The following ITPKB variants were observed in gnomAD, a reference collection of about 807,000 sequenced individuals.
The protein encoded by ITPKB is IP3 3-kinase B.
ITPKB carries 13 observed loss-of-function variants against 69.4 expected under a neutral mutation model. The observed-to-expected ratio is 0.19, with a 90% CI of 0.12 to 0.30. ITPKB has a LOEUF of 0.30. ITPKB is among the 10% of genes least tolerant of loss of function. The pLI, the probability that ITPKB is intolerant of heterozygous loss-of-function variation, is 1.00. For synonymous variants in ITPKB, 584 were observed against 513.7 expected (o/e 1.14, Z -1.85); for missense variants, 1,240 against 1,250.5 (o/e 0.99, Z 0.13).
intron 2 of ITPKB, among the ~76,000 whole-genome samples, chr1:226,699,719 A>G (rs1656588225): frequency 6.6e-6 from 1 of 152,212 alleles, no homozygotes. Context: ...GCAGAGCTTC[A>G]TTAATTAAAA....
intron 2 of ITPKB, among the ~76,000 whole-genome samples, chr1:226,697,742 T>C (rs934300323): frequency 6.6e-6 from 1 of 152,150 alleles, no homozygotes; most frequent in African/African-American, 2.4e-5. Context: ...CAGGTGGCAT[T>C]AGTGAAATAG....
intron 2 of ITPKB, among the ~76,000 whole-genome samples, chr1:226,654,968 G>C (rs916393283): frequency 2.0e-5 from 3 of 151,184 alleles, no homozygotes; most frequent in Non-Finnish European, 4.4e-5. Context: ...GGAGGAGGGA[G>C]GAAGAAGAGG....
At position 226,637,657 on chromosome 1, in the gene ITPKB, A is replaced by C; in HGVS notation, c.2625+22T>G. The C allele has an allele frequency of 6.3e-7, 1 of 1,586,156 alleles. No homozygotes were observed. The highest frequency in any genetic ancestry group is 8.7e-7 in the Non-Finnish European group (1 of 1,154,758). ...TGGCACGCGCAGCATTCTGCTCAAG[A>C]GGGCAAAAGCCCAGTATCTACCTCG... On this transcript the variant is annotated intron_variant, in intron 7 of 7. Coordinates refer to ENST00000429204, the MANE Select transcript of ITPKB (RefSeq NM_002221.4). The surrounding 1 kb of genome is among the most constrained non-coding windows in gnomAD (Gnocchi z 4.3).
In ITPKB at chr1:226,634,047, A is replaced by C. The variant is rs1668776070; in HGVS notation, c.*624T>G. 6.6e-6 allele frequency: 1 copy of C among 152,542 alleles called. No individual in the cohort carries two copies. The highest frequency in any genetic ancestry group is 6.5e-5 in the Admixed American group (1 of 15,304). The allele number at this position is 152,542 out of a possible 1,614,324, so 9.4% of individuals were successfully genotyped here. A position where few individuals can be genotyped will look rare whatever the true frequency, so the allele number is the denominator to read the frequency against. ...TCTGGCCTGGAGCCGGCAGGTTTCC[A>C]TACCAGATGGGTGGGGGGCCTTGCC... is the stretch of plus-strand genomic sequence containing the variant. On this transcript the variant is annotated 3_prime_UTR_variant, in exon 8 of 8. Coordinates refer to ENST00000429204, the MANE Select transcript of ITPKB (RefSeq NM_002221.4). This position sits in a 1 kb window ranked among gnomAD's most constrained non-coding sequence, Gnocchi z 6.3.
rs1054914504 is a variant in ITPKB, at chr1:226,736,619, A to G, written c.840T>C (p.Ser280=). The change falls in exon 2 of 8, where the codon TCT becomes TCC. Residue 280 remains serine (S), a synonymous_variant. Coordinates refer to ENST00000429204, the MANE Select transcript of ITPKB (RefSeq NM_002221.4). ...PTAMEIDKRG[S]PTPGTRSCLA... is the part of the protein sequence containing the mutation. ...GGCAGCTCCGAGTTCCCGGGGTAGG[A>G]GAGCCCCTTTTGTCAATTTCCATAG... 1 of 1,613,720 alleles carries G rather than the reference A, an allele frequency of 6.2e-7. No homozygotes were observed. The highest frequency in any genetic ancestry group is 8.5e-7 in the Non-Finnish European group (1 of 1,180,010).
In ITPKB at chr1:226,711,649, CCCAACCTGGACCTCCCAT is replaced by C. The variant is rs1558093084; in HGVS notation, c.1932+23860_1932+23877del. Among the ~76,000 whole-genome samples, 5 of 152,160 alleles carry C rather than the reference CCCAACCTGGACCTCCCAT, an allele frequency of 3.3e-5. No individual in the cohort carries two copies. The East Asian group carries it at 9.6e-4, about 29-fold the overall frequency. ...GGAACCAACGCTTAAATGGAAACCTCCCAACCTGGACCTCCCATCATTTGTCCTGGCGATGACGAGTGC... is the reference window on the plus strand; with the variant it reads ...GGAACCAACGCTTAAATGGAAACCTCCATTTGTCCTGGCGATGACGAGTGC... On this transcript the variant is annotated intron_variant, in intron 2 of 7. Transcript: ENST00000429204.
At chr1:226,715,450 C>T (rs1037270607) in intron 2 of ITPKB, among the ~76,000 whole-genome samples, 1 of 152,168 alleles carries the variant, frequency 6.6e-6, no homozygotes, top group African/African-American at 2.4e-5. Flanking sequence ...AACTCTGACC[C>T]AGAAGATTTA....
At chr1:226,648,819 A>C in intron 2 of ITPKB, 48 bp from the exon 3 acceptor site, 1 of 1,273,582 alleles carries the variant, frequency 7.9e-7, no homozygotes, top group South Asian at 1.2e-5. Context: ...ACAACCACTA[A>C]TTTCTGGTTA....
intron 2 of ITPKB, among the ~76,000 whole-genome samples, chr1:226,722,454 G>A (rs540049477): frequency 1.1e-3 from 175 of 152,336 alleles, no homozygotes; most frequent in Non-Finnish European, 1.7e-3. Flanking sequence ...GGCGGGAGAC[G>A]GCTCGGCTCT....
At position 226,717,351 on chromosome 1, in the gene ITPKB, C is replaced by T. The variant is rs554508218; in HGVS notation, c.1932+18176G>A. ...TTATGAGTAGTTCTAAATTACATAC[C>T]CCATGTTTCTTTTTTGGCTTAATTA... On this transcript the variant is annotated intron_variant, in intron 2 of 7. Transcript: ENST00000429204. 1.6e-4 allele frequency among the ~76,000 whole-genome samples: 24 copies of T among 152,194 alleles called. No individual in the cohort carries two copies. The South Asian group carries it at 5.0e-3, about 32-fold the overall frequency.
At chr1:226,653,816 C>T (rs1249832617) in intron 2 of ITPKB, among the ~76,000 whole-genome samples, 1 of 152,184 alleles carries the variant, frequency 6.6e-6, no homozygotes, top group East Asian at 1.9e-4. Context: ...GCCTCACAGG[C>T]TTGGATGCGA....
intron 2 of ITPKB, among the ~76,000 whole-genome samples, chr1:226,733,804 G>C (rs1159097199): frequency 6.6e-6 from 1 of 151,778 alleles, no homozygotes; most frequent in Non-Finnish European, 1.5e-5. Flanking sequence ...CTGGCAAATG[G>C]AAAAAAAAGT....
At chr1:226,677,785 G>C (rs1433952612) in intron 2 of ITPKB, among the ~76,000 whole-genome samples, 1 of 152,212 alleles carries the variant, frequency 6.6e-6, no homozygotes, top group African/African-American at 2.4e-5. Context: ...CACTGAAAGA[G>C]CACCCATTAC....
At chr1:226,650,234 C>T (rs1298632948) in intron 2 of ITPKB, among the ~76,000 whole-genome samples, 1 of 152,226 alleles carries the variant, frequency 6.6e-6, no homozygotes, top group Non-Finnish European at 1.5e-5. Flanking sequence ...GACTCAGCCG[C>T]TTCTGTCATC....
chr1:226,676,457 T>A (rs1315866915), intron 2 of ITPKB: 1 of 152,110 alleles, frequency 6.6e-6, no homozygotes, highest in Non-Finnish European at 1.5e-5. Context: ...GTTTCCTCCA[T>A]CCCCCCAATT....
chr1:226,672,579 C>T (rs752545168), intron 2 of ITPKB, among the ~76,000 whole-genome samples: 2 of 152,262 alleles, frequency 1.3e-5, no homozygotes, highest in Admixed American at 6.5e-5. Context: ...GACAAGACCA[C>T]GGCTGTCTTT....
At chr1:226,722,435 G>A (rs1396816421) in intron 2 of ITPKB, among the ~76,000 whole-genome samples, 3 of 152,264 alleles carry the variant, frequency 2.0e-5, no homozygotes, top group Admixed American at 1.3e-4. Flanking sequence ...TTAACCAGCA[G>A]TCTGCAGAGG....
intron 2 of ITPKB, among the ~76,000 whole-genome samples, chr1:226,719,213 A>C (rs944504206): frequency 6.6e-6 from 1 of 152,214 alleles, no homozygotes; most frequent in Non-Finnish European, 1.5e-5. Flanking sequence ...CAGGAGGCAG[A>C]GGTTCCAGTG....
At chr1:226,694,970 C>T (rs1656442568) in intron 2 of ITPKB, among the ~76,000 whole-genome samples, 1 of 152,256 alleles carries the variant, frequency 6.6e-6, no homozygotes, top group Non-Finnish European at 1.5e-5. Context: ...TGGCTCACGC[C>T]TGTAATCCCA....
Sources: allele counts gnomAD v4.1 joint callset (sites outside exome capture counted in the v4.1 genomes callset), GRCh38; gene constraint gnomAD v4.1.1; non-coding constraint Gnocchi (gnomAD v3.1); transcripts MANE v1.5; gene names NCBI Gene and HGNC (gene_info 2026-07-23, HGNC 2026-07-21).